The following KLHL1 variants were observed in gnomAD, a reference collection of about 807,000 sequenced individuals.
KLHL1 encodes the protein kelch like family member 1.
A neutral mutation model predicts 77.7 loss-of-function variants in KLHL1; 47 were observed. That is an observed-to-expected ratio of 0.60 (90% CI 0.48 to 0.77). The LOEUF (loss-of-function observed/expected upper bound fraction) is 0.77. Ranked by LOEUF, KLHL1 falls within the 30% of genes least tolerant of loss-of-function variation. The pLI, the probability that KLHL1 is intolerant of heterozygous loss-of-function variation, is 0.00. For missense variants in KLHL1, 925 were observed against 910.8 expected (o/e 1.02, Z -0.20); for synonymous variants, 360 against 325.2 (o/e 1.11, Z -1.15).
At chr13:69,977,370 A>G (rs1379829836) in intron 1 of KLHL1, among the ~76,000 whole-genome samples, 1 of 152,122 alleles carries the variant, frequency 6.6e-6, no homozygotes, top group African/African-American at 2.4e-5. Context: ...AAATAAGGCA[A>G]TACAATAATT....
chr13:69,823,470 T>TA (rs1878420898), intron 6 of KLHL1, among the ~76,000 whole-genome samples: 1 of 152,014 alleles, frequency 6.6e-6, no homozygotes, highest in Non-Finnish European at 1.5e-5. Flanking sequence ...TTAAAATTAT[T>TA]TATTTTAAAA....
At chr13:69,986,794 T>C (rs1884883051) in intron 1 of KLHL1, among the ~76,000 whole-genome samples, 2 of 151,972 alleles carry the variant, frequency 1.3e-5, no homozygotes, top group African/African-American at 4.8e-5. Context: ...GGAAAAGAAA[T>C]TGAAGTGATG....
intron 7 of KLHL1, among the ~76,000 whole-genome samples, chr13:69,770,141 CT>C (rs1426093307): frequency 6.6e-6 from 1 of 152,178 alleles, no homozygotes; most frequent in Non-Finnish European, 1.5e-5. Context: ...TCCATGATGG[CT>C]GGAGTCTCTG....
In KLHL1 at chr13:70,074,590, G is replaced by A. The variant is rs181980072; in HGVS notation, c.497+32613C>T. 5.3e-5 allele frequency among the ~76,000 whole-genome samples: 8 copies of A among 152,096 alleles called. No homozygotes were observed. The East Asian group carries it at 1.4e-3, about 26-fold the overall frequency. The stretch of plus-strand genomic sequence containing the variant: ...TCATCAAATAAGTTTAAGAAATGTA[G>A]GGTTAAACAATGATAAACATGTTTC... On this transcript the variant is annotated intron_variant, in intron 1 of 10. Transcript: ENST00000377844.
chr13:69,946,313 C>T (rs1159147821), intron 3 of KLHL1, among the ~76,000 whole-genome samples: 1 of 151,998 alleles, frequency 6.6e-6, no homozygotes, highest in Non-Finnish European at 1.5e-5. Context: ...TGTATATGTG[C>T]AGTTTATTAT....
chr13:69,748,723 G>C (rs1357439631), intron 7 of KLHL1, among the ~76,000 whole-genome samples: 1 of 151,900 alleles, frequency 6.6e-6, no homozygotes, highest in Non-Finnish European at 1.5e-5. Flanking sequence ...AGATAACAGT[G>C]CTCGGCAAAT....
At chr13:69,718,255 A>G (rs1050507793) in intron 9 of KLHL1, among the ~76,000 whole-genome samples, 5 of 152,126 alleles carry the variant, frequency 3.3e-5, no homozygotes, top group African/African-American at 1.2e-4. Flanking sequence ...TGCTCTCCCA[A>G]AAAGCTTTCT....
At position 69,948,973 on chromosome 13, in the gene KLHL1, T is replaced by C. The variant is rs80299813; in HGVS notation, c.818-8737A>G. 4.3e-4 allele frequency among the ~76,000 whole-genome samples: 65 copies of C among 152,064 alleles called. No individual in the cohort carries two copies. In the East Asian group the frequency reaches 5.4e-3, roughly 13 times the overall value. On this transcript the variant is annotated intron_variant, in intron 3 of 10. Coordinates refer to ENST00000377844, the MANE Select transcript of KLHL1 (RefSeq NM_020866.3). The stretch of plus-strand genomic sequence containing the variant: ...CACTCTAGAAATTCAAACCTCAAAA[T>C]TGACATTTTTAGTAACTCATAGGTA...
At chr13:69,818,092 C>T (rs1051498323) in intron 6 of KLHL1, among the ~76,000 whole-genome samples, 7 of 151,892 alleles carry the variant, frequency 4.6e-5, no homozygotes, top group East Asian at 1.9e-4. Flanking sequence ...AAGAAAACTT[C>T]GCTTTTCATC....
chr13:70,005,830 T>C (rs1180598950), intron 1 of KLHL1, among the ~76,000 whole-genome samples: 1 of 152,030 alleles, frequency 6.6e-6, no homozygotes, highest in African/African-American at 2.4e-5. Flanking sequence ...TATTGTCATA[T>C]ATTAGTAAAA....
chr13:69,956,990 T>C (rs1172720361), intron 3 of KLHL1, among the ~76,000 whole-genome samples: 2 of 151,652 alleles, frequency 1.3e-5, no homozygotes, highest in African/African-American at 4.8e-5. Context: ...GATAAGATAT[T>C]GTATGACCTA....
At chr13:69,764,726 C>T (rs1371151507) in intron 7 of KLHL1, among the ~76,000 whole-genome samples, 1 of 151,864 alleles carries the variant, frequency 6.6e-6, no homozygotes, top group Non-Finnish European at 1.5e-5. Context: ...ATGCAGAATA[C>T]CTCTCAACAC....
intron 7 of KLHL1, among the ~76,000 whole-genome samples, chr13:69,772,689 A>G (rs934907181): frequency 2.0e-5 from 3 of 152,156 alleles, no homozygotes; most frequent in African/African-American, 7.2e-5. Context: ...CCGTGTGTAA[A>G]GTATCTTGCA....
chr13:69,761,354 G>A (rs1211194492), intron 7 of KLHL1, among the ~76,000 whole-genome samples: 5 of 152,130 alleles, frequency 3.3e-5, no homozygotes, highest in Non-Finnish European at 7.4e-5. Context: ...GTGGTTGGCT[G>A]AAACTCTATT....
At chr13:69,761,723 G>A (rs1875030640) in intron 7 of KLHL1, among the ~76,000 whole-genome samples, 1 of 152,138 alleles carries the variant, frequency 6.6e-6, no homozygotes, top group South Asian at 2.1e-4. Flanking sequence ...AACAAAATTG[G>A]TCCTTGAAAG....
At chr13:69,755,299 G>T (rs1340943773) in intron 7 of KLHL1, among the ~76,000 whole-genome samples, 4 of 151,788 alleles carry the variant, frequency 2.6e-5, no homozygotes, top group African/African-American at 9.7e-5. Context: ...AGAGGAAGCT[G>T]GTGTATCACG....
At chr13:70,038,633 G>A (rs1264926392) in intron 1 of KLHL1, among the ~76,000 whole-genome samples, 1 of 123,394 alleles carries the variant, frequency 8.1e-6, no homozygotes, top group African/African-American at 2.9e-5. Context: ...TTGTCGCTCA[G>A]GGTGGAGTGT....
At chr13:69,842,620 C>T (rs76809992) in intron 5 of KLHL1, among the ~76,000 whole-genome samples, 2,820 of 151,860 alleles carry the variant, frequency 0.019, 82 homozygotes, top group African/African-American at 0.064. Context: ...CTATGGAAAA[C>T]AATGTGGAGA....
intron 1 of KLHL1, among the ~76,000 whole-genome samples, chr13:70,010,410 T>A (rs543697816): frequency 5.8e-4 from 89 of 152,236 alleles, no homozygotes; most frequent in Non-Finnish European, 1.0e-3. Flanking sequence ...CCAAAGGTAC[T>A]GCTGAGAGAG....
Sources: allele counts gnomAD v4.1 joint callset (sites outside exome capture counted in the v4.1 genomes callset), GRCh38; gene constraint gnomAD v4.1.1; transcripts MANE v1.5; gene names NCBI Gene and HGNC (gene_info 2026-07-23, HGNC 2026-07-21).